Variants in NPTN observed in about 807,000 individuals in gnomAD.
NPTN encodes the protein neuroplastin, also known as SDR-1.
A neutral mutation model predicts 42.7 loss-of-function variants in NPTN; 5 were observed. The ratio of observed to expected loss-of-function variants is 0.12; its 90% CI spans 0.06 to 0.25. NPTN has a LOEUF of 0.25. NPTN is among the 10% of genes least tolerant of loss of function. The probability of loss-of-function intolerance (pLI) is 1.00; values close to 1 mark genes in which losing one functional copy is unlikely to be tolerated. For synonymous variants in NPTN, 180 were observed against 201.9 expected, an observed-to-expected ratio of 0.89 and a Z score of 0.92; for missense variants, 307 against 525.4, an observed-to-expected ratio of 0.58 and a Z score of 4.06.
At position 73,585,567 on chromosome 15, in the gene NPTN, T is replaced by C. The variant is rs940218229; in HGVS notation, c.706+1957A>G. ...TTTACCATACTCAACTATCCATAAC[T>C]GGGAAGACAAGACATTAAACATTGA... On this transcript the variant is annotated intron_variant, in intron 4 of 8. Coordinates refer to ENST00000345330, the MANE Select transcript of NPTN (RefSeq NM_012428.4). Among the ~76,000 whole-genome samples, 7 of 152,200 alleles carry C rather than the reference T, an allele frequency of 4.6e-5. 1 individual carries two copies. The South Asian group carries it at 8.3e-4, about 18-fold the overall frequency.
chr15:73,578,998 A>G (rs1360826174), intron 4 of NPTN, among the ~76,000 whole-genome samples: 1 of 150,590 alleles, frequency 6.6e-6, no homozygotes, highest in Non-Finnish European at 1.5e-5. Context: ...GTCTCAAAAA[A>G]AAAAAAAAAA....
intron 6 of NPTN, among the ~76,000 whole-genome samples, chr15:73,564,342 G>A (rs150730173): frequency 7.3e-4 from 111 of 152,288 alleles, no homozygotes; most frequent in Middle Eastern, 3.4e-3. Flanking sequence ...GGAGATTACA[G>A]TCTCAGTGTA....
chr15:73,596,312 G>A (rs750604862), intron 2 of NPTN, among the ~76,000 whole-genome samples: 8 of 152,120 alleles, frequency 5.3e-5, no homozygotes, highest in African/African-American at 1.9e-4. Flanking sequence ...CACATGCCAC[G>A]GTTTTAGAAA....
At chr15:73,620,866 TA>T (rs1898103551) in intron 1 of NPTN, among the ~76,000 whole-genome samples, 4 of 152,346 alleles carry the variant, frequency 2.6e-5, no homozygotes, top group African/African-American at 7.2e-5. Flanking sequence ...TTTTCTAATA[TA>T]AACAATGGGC....
At chr15:73,572,696 TA>T (rs905080269) in intron 5 of NPTN, among the ~76,000 whole-genome samples, 2 of 152,150 alleles carry the variant, frequency 1.3e-5, no homozygotes, top group Non-Finnish European at 2.9e-5. Flanking sequence ...TGTTTCCTAC[TA>T]AAAAAACAAG....
chr15:73,603,239 C>T (rs1897147691), intron 1 of NPTN, among the ~76,000 whole-genome samples: 1 of 152,272 alleles, frequency 6.6e-6, no homozygotes, highest in African/African-American at 2.4e-5. Context: ...ACATAGTAAG[C>T]ACTCAATAAT....
At chr15:73,616,164 T>C (rs1458475057) in intron 1 of NPTN, among the ~76,000 whole-genome samples, 1 of 152,312 alleles carries the variant, frequency 6.6e-6, no homozygotes, top group East Asian at 1.9e-4. Flanking sequence ...TTTTACAAAG[T>C]ATGCACAGGA....
intron 1 of NPTN, among the ~76,000 whole-genome samples, chr15:73,630,516 A>G (rs1898680561): frequency 6.6e-6 from 1 of 152,264 alleles, no homozygotes; most frequent in Non-Finnish European, 1.5e-5. Context: ...CATCTGAATG[A>G]AAGCCCTGAA....
Position 73,595,317 on chromosome 15 carries a change from A to G in NPTN, c.439+1705T>C, listed in dbSNP as rs1005301487. ...AAGGAAAGGAGCAAGGGGGCAGGAG[A>G]AGGAGGCGTGCAGGGTAAAAATATT... On this transcript the variant is annotated intron_variant, in intron 2 of 8. Coordinates refer to ENST00000345330, the MANE Select transcript of NPTN (RefSeq NM_012428.4). 2.0e-5 allele frequency among the ~76,000 whole-genome samples: 3 copies of G among 152,080 alleles called. 1 individual carries two copies. The highest frequency in any genetic ancestry group is 7.3e-5 in the African/African-American group (3 of 41,376).
At chr15:73,563,814 C>T (rs1412597029) in intron 6 of NPTN, among the ~76,000 whole-genome samples, 1 of 152,206 alleles carries the variant, frequency 6.6e-6, no homozygotes, top group Non-Finnish European at 1.5e-5. Context: ...AAGAGGCAAT[C>T]ACAATAGTTC....
At chr15:73,564,729 C>T (rs936121070) in intron 6 of NPTN, among the ~76,000 whole-genome samples, 1 of 152,150 alleles carries the variant, frequency 6.6e-6, no homozygotes, top group East Asian at 1.9e-4. Context: ...CATCCTAATG[C>T]TCAGCATCCC....
rs1895219933 is a variant in NPTN, at chr15:73,569,105, G to A, written c.1114+1045C>T. 1.0e-6 allele frequency: 1 copy of A among 985,740 alleles called. No homozygotes were observed. Among genetic ancestry groups the A allele is most frequent in the Non-Finnish European group, 1.2e-6 (1 of 830,214 alleles). The allele number at this position is 985,740 out of a possible 1,614,324, so 61.1% of individuals were successfully genotyped here. On this transcript the variant is annotated intron_variant, in intron 6 of 8. Coordinates refer to ENST00000345330, the MANE Select transcript of NPTN (RefSeq NM_012428.4). This position sits in a 1 kb window ranked among gnomAD's most constrained non-coding sequence, Gnocchi z 4.1. The stretch of plus-strand genomic sequence containing the variant: ...AGCTGGCAACCCCACCATCACCCCG[G>A]GTAGGCTACCACTGAGCCCAGGGGC...
At chr15:73,591,451 T>A (rs1440979356) in intron 3 of NPTN, among the ~76,000 whole-genome samples, 4 of 152,160 alleles carry the variant, frequency 2.6e-5, no homozygotes, top group Non-Finnish European at 5.9e-5. Flanking sequence ...CAGGCTACCA[T>A]CCTCAATCCA....
At chr15:73,611,850 A>T (rs967028525) in intron 1 of NPTN, among the ~76,000 whole-genome samples, 2 of 152,134 alleles carry the variant, frequency 1.3e-5, no homozygotes, top group Admixed American at 6.5e-5. Flanking sequence ...GTGTGGGGAC[A>T]GGGGGTACAT....
rs1425886586 is a variant in NPTN, at chr15:73,580,412, T to TATATATA, written c.707-6624_707-6618dup. Among the ~76,000 whole-genome samples the TATATATA allele has an allele frequency of 3.8e-3, 377 of 98,898 alleles. 6 individuals carry two copies. The highest frequency in any genetic ancestry group is 0.016 in the African/African-American group (360 of 22,668). 64.9% of individuals were successfully genotyped at this position (98,898 alleles called of 152,430 possible). A position where few individuals can be genotyped will look rare whatever the true frequency, so the allele number is the denominator to read the frequency against. ...TAAAATATATATATTATATATATAATATATATATAATATATATATAATATA... is the reference window on the plus strand; with the variant it reads ...TAAAATATATATATTATATATATAATATATATAATATATATAATATATATATAATATA... On this transcript the variant is annotated intron_variant, in intron 4 of 8. Transcript: ENST00000345330.
intron 5 of NPTN, among the ~76,000 whole-genome samples, chr15:73,571,117 C>T (rs934970515): frequency 2.6e-5 from 4 of 151,918 alleles, no homozygotes; most frequent in African/African-American, 7.3e-5. Flanking sequence ...CCCATCTCTA[C>T]AAAAAATCAA....
At chr15:73,624,428 T>C (rs575542615) in intron 1 of NPTN, among the ~76,000 whole-genome samples, 2 of 152,292 alleles carry the variant, frequency 1.3e-5, no homozygotes, top group South Asian at 4.1e-4. Flanking sequence ...CCTTGTGCTA[T>C]TTTTTTCCAG....
intron 6 of NPTN, chr15:73,566,916 C>T (rs144830833): frequency 1.7e-6 from 1 of 594,664 alleles, no homozygotes; most frequent in Admixed American, 6.4e-5. Flanking sequence ...AGAGACCATA[C>T]AGGGGACTAA....
intron 6 of NPTN, chr15:73,568,763 C>A (rs1895191726): frequency 4.1e-6 from 4 of 985,414 alleles, no homozygotes; most frequent in Admixed American, 6.1e-5. Context: ...GCCCAGCTCA[C>A]TGCTGAGTGC....
Sources: allele counts gnomAD v4.1 joint callset (sites outside exome capture counted in the v4.1 genomes callset), GRCh38; gene constraint gnomAD v4.1.1; non-coding constraint Gnocchi (gnomAD v3.1); transcripts MANE v1.5; gene names NCBI Gene and HGNC (gene_info 2026-07-23, HGNC 2026-07-21).